Variants in SVOPL observed in about 807,000 individuals in gnomAD.
SVOPL encodes SVOP like, also known as putative transporter SVOPL.
SVOPL carries 60 observed loss-of-function variants against 61.0 expected under a neutral mutation model. That is an observed-to-expected ratio of 0.98 (90% CI 0.80 to 1.22). The LOEUF (loss-of-function observed/expected upper bound fraction) is 1.22, where lower values mean the gene tolerates loss of function less well. Ranked by LOEUF, SVOPL falls within the 50% of genes most tolerant of loss-of-function variation. The probability of loss-of-function intolerance (pLI) is 0.00; values close to 1 mark genes in which losing one functional copy is unlikely to be tolerated. For synonymous variants in SVOPL, 279 were observed against 250.0 expected (o/e 1.12, Z -1.09); for missense variants, 662 against 643.9 (o/e 1.03, Z -0.30).
At chr7:138,619,215 C>A (rs558099960) in intron 14 of SVOPL, among the ~76,000 whole-genome samples, 5 of 151,976 alleles carry the variant, frequency 3.3e-5, no homozygotes, top group Non-Finnish European at 7.4e-5. Flanking sequence ...GGAGGCCAGC[C>A]TGAGCAACAT....
intron 1 of SVOPL, among the ~76,000 whole-genome samples, chr7:138,690,443 C>G (rs1309788403): frequency 6.6e-6 from 1 of 152,126 alleles, no homozygotes; most frequent in Non-Finnish European, 1.5e-5. Context: ...TCTATCCATA[C>G]AATGGAATAT....
chr7:138,654,797 A>G (rs1364075848), intron 7 of SVOPL, among the ~76,000 whole-genome samples: 2 of 151,742 alleles, frequency 1.3e-5, no homozygotes, highest in South Asian at 2.1e-4. Flanking sequence ...TCAGAAAAGC[A>G]TGGTCAACAT....
chr7:138,662,565 C>CT (rs1355316514), intron 5 of SVOPL: 23 of 986,098 alleles, frequency 2.3e-5, no homozygotes, highest in Middle Eastern at 1.0e-3. Context: ...AAAAACCTCC[C>CT]AATAGGGCTG....
chr7:138,697,308 C>T (rs994910695), intron 1 of SVOPL, among the ~76,000 whole-genome samples: 1 of 151,806 alleles, frequency 6.6e-6, no homozygotes, highest in Non-Finnish European at 1.5e-5. Flanking sequence ...ATTAAAAGTA[C>T]AAGAAAAAAT....
intron 1 of SVOPL, among the ~76,000 whole-genome samples, chr7:138,680,680 G>T (rs185401586): frequency 1.3e-5 from 2 of 151,990 alleles, no homozygotes; most frequent in African/African-American, 4.8e-5. Flanking sequence ...CCGGGTTCAT[G>T]CCATTCTCCT....
chr7:138,599,137 T>C (rs1798399203), intron 14 of SVOPL, among the ~76,000 whole-genome samples: 1 of 57,106 alleles, frequency 1.8e-5, no homozygotes, highest in Non-Finnish European at 3.0e-5. Flanking sequence ...GTGAGATCCG[T>C]CTCCAAAAAA....
chr7:138,651,019 C>T (rs981720165), intron 7 of SVOPL, among the ~76,000 whole-genome samples: 2 of 151,232 alleles, frequency 1.3e-5, no homozygotes, highest in Non-Finnish European at 2.9e-5. Context: ...TTCGAAACCT[C>T]TAATCAATGG....
At chr7:138,611,050 C>G (rs189360792) in intron 14 of SVOPL, among the ~76,000 whole-genome samples, 3 of 152,158 alleles carry the variant, frequency 2.0e-5, no homozygotes, top group Non-Finnish European at 4.4e-5. Flanking sequence ...TTCAGTTCAC[C>G]GTGGACTCTT....
rs35593361 is a variant in SVOPL, at chr7:138,672,656, TAAA to T, written c.175-542_175-540del. Among the ~76,000 whole-genome samples the T allele has an allele frequency of 6.8e-3, 803 of 118,818 alleles. 12 individuals are homozygous for T. Among genetic ancestry groups the T allele is most frequent in the African/African-American group, 0.023 (682 of 30,036 alleles). 77.9% of individuals were successfully genotyped at this position (118,818 alleles called of 152,430 possible). A position where few individuals can be genotyped will look rare whatever the true frequency, so the allele number is the denominator to read the frequency against. ...GCAGGAAAGTGTTTTTTTTTGTGTT[TAAA>T]AAAAAAAAAAAAAAAAGAAGCAATG... On this transcript the variant is annotated intron_variant, in intron 3 of 15. Coordinates refer to ENST00000674285, the MANE Select transcript of SVOPL (RefSeq NM_001139456.2).
chr7:138,681,554 T>C (rs1315623509), intron 1 of SVOPL, among the ~76,000 whole-genome samples: 1 of 152,058 alleles, frequency 6.6e-6, no homozygotes, highest in Non-Finnish European at 1.5e-5. Flanking sequence ...CTGGGCGTGG[T>C]AGCTCACACC....
intron 14 of SVOPL, among the ~76,000 whole-genome samples, chr7:138,606,301 A>G (rs928558176): frequency 1.3e-5 from 2 of 152,112 alleles, no homozygotes; most frequent in African/African-American, 4.8e-5. Context: ...GGTTGGAGAG[A>G]AAGTTATTAA....
intron 9 of SVOPL, among the ~76,000 whole-genome samples, chr7:138,637,427 C>CATATATATATATATATAT (rs377328822): frequency 7.0e-5 from 5 of 71,442 alleles, no homozygotes; most frequent in Admixed American, 1.6e-4. Context: ...GACTCCATCT[C>CATATATATATATATATAT]ATATATATAT....
intron 4 of SVOPL, 185 bp from the exon 5 acceptor site, chr7:138,663,330 G>GAAC: frequency 7.0e-7 from 1 of 1,431,438 alleles, no homozygotes; most frequent in Admixed American, 2.8e-5. Flanking sequence ...TCAGCTCCCT[G>GAAC]TTGGTGGGAG....
In SVOPL at chr7:138,596,924, A is replaced by C. The variant is rs1038904952; in HGVS notation, c.1354-394T>G. The C allele has an allele frequency of 7.3e-5, 79 of 1,088,802 alleles. 3 individuals carry two copies. In the South Asian group the frequency reaches 1.8e-3, roughly 24 times the overall value. The allele number at this position is 1,088,802 out of a possible 1,614,324, so 67.4% of individuals were successfully genotyped here. On this transcript the variant is annotated intron_variant, in intron 14 of 15. Transcript: ENST00000674285. ...ATCCTCTGTCTGCCAAATATCCATT[A>C]TCTCTTCAGTCCTGACAGCATGAAA... is the stretch of plus-strand genomic sequence containing the variant.
At chr7:138,693,957 A>G (rs1273296955) in intron 1 of SVOPL, among the ~76,000 whole-genome samples, 1 of 152,200 alleles carries the variant, frequency 6.6e-6, no homozygotes, top group African/African-American at 2.4e-5. Context: ...TGGCTGGCAA[A>G]TCTATGAAAC....
chr7:138,679,301 G>A (rs552845911), intron 1 of SVOPL, among the ~76,000 whole-genome samples: 223 of 151,926 alleles, frequency 1.5e-3, no homozygotes, highest in Non-Finnish European at 2.4e-3. Context: ...ATGGAGTCTC[G>A]CTCTGTTGCC....
rs1395771522 is a variant in SVOPL, at chr7:138,627,360, A to C, written c.1171T>G (p.Cys391Gly). The C allele has an allele frequency of 1.2e-6, 2 of 1,612,558 alleles. No individual in the cohort carries two copies. The highest frequency in any genetic ancestry group is 4.5e-5 in the East Asian group (2 of 44,878). ...TALFFLLLNICTSSAGLIGFL... is the reference protein window; with the variant it reads ...TALFFLLLNIGTSSAGLIGFL... ...TTAAACAGAAAATACCTTGAAGTGC[A>C]AATGTTGAGGAGAAGGAAGAATAAA... Residue 391 changes from cysteine (C) to glycine (G), a missense_variant, in exon 12 of 16, where the codon TGC becomes GGC. Transcript: ENST00000674285.
At chr7:138,687,400 A>G (rs1055786759) in intron 1 of SVOPL, among the ~76,000 whole-genome samples, 1 of 151,088 alleles carries the variant, frequency 6.6e-6, no homozygotes, top group Non-Finnish European at 1.5e-5. Context: ...CATGCCCAGC[A>G]AATTTTTTTA....
intron 6 of SVOPL, among the ~76,000 whole-genome samples, chr7:138,656,776 C>T (rs1014662368): frequency 5.9e-5 from 9 of 152,136 alleles, no homozygotes; most frequent in African/African-American, 1.9e-4. Context: ...GGTGTGGTGG[C>T]TCACACCTGT....
Sources: gnomAD v4.1 joint callset for allele counts (sites outside exome capture counted in the v4.1 genomes callset) on GRCh38, gnomAD v4.1.1 for gene constraint, MANE v1.5 for transcripts, NCBI Gene and HGNC (gene_info 2026-07-23, HGNC 2026-07-21) for gene names.